The following CREB5 variants were observed in gnomAD, a reference collection of about 807,000 sequenced individuals.
CREB5 encodes cAMP responsive element binding protein 5.
In CREB5, 19 loss-of-function variants were observed where a neutral mutation model predicts 57.1. The observed-to-expected ratio is 0.33, with a 90% CI of 0.23 to 0.49. The LOEUF is 0.49. Ranked by LOEUF, CREB5 falls within the 20% of genes least tolerant of loss-of-function variation. The pLI is 0.99. For synonymous variants in CREB5, 238 were observed against 238.3 expected, an observed-to-expected ratio of 1.00 and a Z score of 0.01; for missense variants, 579 against 671.6, an observed-to-expected ratio of 0.86 and a Z score of 1.52.
Position 28,718,991 on chromosome 7 carries a change from C to CT in CREB5, c.591+114dup, listed in dbSNP as rs1179603915. The CT allele has an allele frequency of 4.0e-5, 61 of 1,514,154 alleles. No homozygotes were observed. In the East Asian group the frequency reaches 1.4e-3, roughly 35 times the overall value. The allele number at this position is 1,514,154 out of a possible 1,614,324, so 93.8% of individuals were successfully genotyped here. ...AAGCTGATGGGAAAGAAGGCGACTG[C>CT]TTCTGAATGGAGGGTTGAGCTGTGT... On this transcript the variant is annotated intron_variant, in intron 6 of 10. Transcript: ENST00000357727.
At chr7:28,406,429 C>G (rs1787580985) in intron 1 of CREB5, among the ~76,000 whole-genome samples, 1 of 152,232 alleles carries the variant, frequency 6.6e-6, no homozygotes, top group South Asian at 2.1e-4. Context: ...CCAATGGTAC[C>G]TCGGGGGTTG....
chr7:28,808,635 C>T (rs982509046), intron 8 of CREB5, among the ~76,000 whole-genome samples: 3 of 151,548 alleles, frequency 2.0e-5, no homozygotes, highest in East Asian at 3.9e-4. Context: ...ACCTCCTGGG[C>T]TCAAGCAAGC....
chr7:28,389,209 G>A (rs575147941), intron 1 of CREB5, among the ~76,000 whole-genome samples: 78 of 152,264 alleles, frequency 5.1e-4, no homozygotes, highest in African/African-American at 1.8e-3. Context: ...TGAAAACAGT[G>A]AACACTATTT....
intron 5 of CREB5, among the ~76,000 whole-genome samples, chr7:28,588,338 G>T (rs998542223): frequency 6.6e-6 from 1 of 152,158 alleles, no homozygotes; most frequent in Non-Finnish European, 1.5e-5. Flanking sequence ...GTTACATGGG[G>T]TTTGTTTCCA....
At chr7:28,627,343 G>A (rs1046953773) in intron 5 of CREB5, among the ~76,000 whole-genome samples, 11 of 152,218 alleles carry the variant, frequency 7.2e-5, no homozygotes, top group Non-Finnish European at 1.2e-4. Flanking sequence ...TGAACCGTTC[G>A]TTTGAAAGAG....
At chr7:28,783,436 C>T (rs540625468) in intron 7 of CREB5, among the ~76,000 whole-genome samples, 141 of 152,238 alleles carry the variant, frequency 9.3e-4, no homozygotes, top group African/African-American at 3.2e-3. Context: ...CAGAATTTGA[C>T]TTCCTTCACA....
intron 1 of CREB5, among the ~76,000 whole-genome samples, chr7:28,311,659 C>A (rs1335760142): frequency 6.6e-6 from 1 of 152,196 alleles, no homozygotes; most frequent in Non-Finnish European, 1.5e-5. Flanking sequence ...AAGACACATT[C>A]CTTTAGAAAA....
At chr7:28,358,721 CTG>C (rs1334999917) in intron 1 of CREB5, among the ~76,000 whole-genome samples, 1 of 152,184 alleles carries the variant, frequency 6.6e-6, no homozygotes, top group African/African-American at 2.4e-5. Context: ...GGCCATGACA[CTG>C]TCAATGAAAG....
chr7:28,474,957 A>T (rs1045155945), intron 1 of CREB5, among the ~76,000 whole-genome samples: 1 of 152,214 alleles, frequency 6.6e-6, no homozygotes, highest in Non-Finnish European at 1.5e-5. Flanking sequence ...TATGTGAAAG[A>T]TATGTTTTCA....
chr7:28,437,558 A>G (rs1369068289), intron 1 of CREB5, among the ~76,000 whole-genome samples: 2 of 152,154 alleles, frequency 1.3e-5, no homozygotes, highest in Non-Finnish European at 2.9e-5. Context: ...TATTTTAGTG[A>G]GTGCCTATAA....
chr7:28,370,458 T>C (rs118005121), intron 1 of CREB5, among the ~76,000 whole-genome samples: 1 of 152,328 alleles, frequency 6.6e-6, no homozygotes, highest in Non-Finnish European at 1.5e-5. Flanking sequence ...AAAAGTGACG[T>C]TCTGGTTCAT....
intron 1 of CREB5, among the ~76,000 whole-genome samples, chr7:28,307,436 G>A (rs1785209869): frequency 6.6e-6 from 1 of 152,160 alleles, no homozygotes; most frequent in Non-Finnish European, 1.5e-5. Context: ...GTCACAAAAG[G>A]GGAGACTGGG....
At chr7:28,625,319 T>G (rs896005758) in intron 5 of CREB5, among the ~76,000 whole-genome samples, 4 of 152,122 alleles carry the variant, frequency 2.6e-5, no homozygotes. Context: ...TTAAGATGGC[T>G]CTTTCCTCCA....
chr7:28,464,099 A>T (rs1030968533), intron 1 of CREB5, among the ~76,000 whole-genome samples: 2 of 152,094 alleles, frequency 1.3e-5, no homozygotes, highest in Non-Finnish European at 2.9e-5. Flanking sequence ...TGCAGTTTTT[A>T]TGCTTTATTC....
intron 1 of CREB5, among the ~76,000 whole-genome samples, chr7:28,437,751 T>G (rs1789018606): frequency 6.6e-6 from 1 of 152,202 alleles, no homozygotes; most frequent in Admixed American, 6.5e-5. Context: ...ACCAACTCTA[T>G]TTAAAGATAT....
chr7:28,619,802 A>C (rs988744551), intron 5 of CREB5, among the ~76,000 whole-genome samples: 1 of 152,232 alleles, frequency 6.6e-6, no homozygotes, highest in Admixed American at 6.5e-5. Context: ...GCAGAGGCTC[A>C]TAGGAAATAG....
intron 1 of CREB5, among the ~76,000 whole-genome samples, chr7:28,370,350 G>A (rs1255708309): frequency 5.9e-5 from 9 of 152,150 alleles, no homozygotes; most frequent in Non-Finnish European, 1.2e-4. Context: ...TGTAAAGTGA[G>A]AAAATACAGA....
At chr7:28,317,928 T>C (rs1361845154) in intron 1 of CREB5, among the ~76,000 whole-genome samples, 1 of 152,222 alleles carries the variant, frequency 6.6e-6, no homozygotes, top group African/African-American at 2.4e-5. Context: ...ATTGGTCAAC[T>C]ATCAGCAGAG....
chr7:28,436,058 T>C (rs1232830790), intron 1 of CREB5, among the ~76,000 whole-genome samples: 2 of 152,098 alleles, frequency 1.3e-5, no homozygotes, highest in Non-Finnish European at 2.9e-5. Context: ...CATCAAGCCT[T>C]TTTCTTTTGT....
Sources: gnomAD v4.1 joint callset for allele counts (sites outside exome capture counted in the v4.1 genomes callset) on GRCh38, gnomAD v4.1.1 for gene constraint, MANE v1.5 for transcripts, NCBI Gene and HGNC (gene_info 2026-07-23, HGNC 2026-07-21) for gene names.